The following SCARB2 variants were observed in gnomAD, a reference collection of about 807,000 sequenced individuals.
SCARB2 encodes the protein lysosome membrane protein 2.
Under a neutral mutation model 58.6 loss-of-function variants are expected in SCARB2, and 29 were observed. The observed-to-expected ratio is 0.49, with a 90% CI of 0.37 to 0.67. The LOEUF (loss-of-function observed/expected upper bound fraction) is 0.67. SCARB2 is among the 30% of genes least tolerant of loss of function. The probability of loss-of-function intolerance (pLI) is 0.00; values close to 1 mark genes in which losing one functional copy is unlikely to be tolerated. For missense variants in SCARB2, 488 were observed against 578.5 expected (o/e 0.84, Z 1.60); for synonymous variants, 195 against 210.1 (o/e 0.93, Z 0.62).
chr4:76,203,455 T>C (rs1222345148), intron 1 of SCARB2, among the ~76,000 whole-genome samples: 6 of 152,258 alleles, frequency 3.9e-5, no homozygotes, highest in African/African-American at 1.4e-4. Context: ...TCAGAAATCT[T>C]TGCTTCCTCA....
intron 7 of SCARB2, among the ~76,000 whole-genome samples, chr4:76,170,945 AAT>A (rs35595759): frequency 0.45 from 61,249 of 136,244 alleles, 15,224 homozygotes; most frequent in Non-Finnish European, 0.59. Flanking sequence ...TGTAAATTTA[AAT>A]ATATATATAT....
chr4:76,223,085 G>A (rs1315229404), intron 1 of SCARB2, among the ~76,000 whole-genome samples: 3 of 152,314 alleles, frequency 2.0e-5, no homozygotes, highest in Middle Eastern at 6.8e-3. Context: ...AAGGCTTTGT[G>A]GGGGCTGGTA....
At chr4:76,198,110 A>T (rs1218641988) in intron 1 of SCARB2, among the ~76,000 whole-genome samples, 2 of 152,140 alleles carry the variant, frequency 1.3e-5, no homozygotes, top group Non-Finnish European at 2.9e-5. Context: ...ACTCCACCGC[A>T]CTTCTCTTCC....
At chr4:76,199,036 C>T (rs13434713) in intron 1 of SCARB2, among the ~76,000 whole-genome samples, 1,895 of 152,294 alleles carry the variant, frequency 0.012, 32 homozygotes, top group African/African-American at 0.041. Context: ...ATTACTGCCA[C>T]GCCAGCTGCA....
intron 1 of SCARB2, among the ~76,000 whole-genome samples, chr4:76,224,967 AATGCATCCTCATAGCTTAGCATCTTAT>A (rs567878896): frequency 6.4e-4 from 98 of 152,196 alleles, no homozygotes; most frequent in African/African-American, 2.2e-3. Flanking sequence ...AGAATGATAT[AATGCATCCTCATAGCTTAGCATCTTAT>A]ATGCATCCTC....
At chr4:76,200,698 G>A (rs1732812098) in intron 1 of SCARB2, among the ~76,000 whole-genome samples, 1 of 152,184 alleles carries the variant, frequency 6.6e-6, no homozygotes, top group Non-Finnish European at 1.5e-5. Flanking sequence ...GATCCTTCCA[G>A]TAGCATGGAT....
chr4:76,230,348 G>A (rs1248580260), intron 1 of SCARB2, among the ~76,000 whole-genome samples: 2 of 152,098 alleles, frequency 1.3e-5, no homozygotes, highest in East Asian at 3.9e-4. Flanking sequence ...TGGTGAGGCT[G>A]GTCTTGCTCG....
chr4:76,227,827 G>T (rs1733424595), intron 1 of SCARB2, among the ~76,000 whole-genome samples: 1 of 152,084 alleles, frequency 6.6e-6, no homozygotes, highest in African/African-American at 2.4e-5. Flanking sequence ...AGTCTGTTTT[G>T]TCTGATATAA....
chr4:76,227,302 G>C (rs1379600127), intron 1 of SCARB2, among the ~76,000 whole-genome samples: 1 of 152,116 alleles, frequency 6.6e-6, no homozygotes, highest in Non-Finnish European at 1.5e-5. Flanking sequence ...AATGTCCAAA[G>C]ATCATTCAGG....
intron 7 of SCARB2, 89 bp downstream of exon 7, chr4:76,174,055 G>T: frequency 6.6e-7 from 1 of 1,503,972 alleles, no homozygotes. Context: ...GTAGGTGTGC[G>T]CCACTACGCC....
At chr4:76,179,174 C>G (rs995189319) in intron 4 of SCARB2, 4 of 310,716 alleles carry the variant, frequency 1.3e-5, no homozygotes, top group Non-Finnish European at 2.5e-5. Flanking sequence ...CTGCCTCAGT[C>G]TCCTGAGTAG....
At chr4:76,180,332 T>G (rs989891771) in intron 3 of SCARB2, 1 of 152,456 alleles carries the variant, frequency 6.6e-6, no homozygotes, top group African/African-American at 2.4e-5. Context: ...CACTCCAGCC[T>G]GGGCGACAGA....
At chr4:76,186,497 C>T (rs1163081053) in intron 2 of SCARB2, among the ~76,000 whole-genome samples, 1 of 152,010 alleles carries the variant, frequency 6.6e-6, no homozygotes, top group Non-Finnish European at 1.5e-5. Flanking sequence ...GGAGCCTCTA[C>T]CCTTAACTTT....
chr4:76,202,854 T>C (rs1007718637), intron 1 of SCARB2, among the ~76,000 whole-genome samples: 19 of 152,236 alleles, frequency 1.2e-4, no homozygotes, highest in Non-Finnish European at 2.5e-4. Flanking sequence ...AATGTCTGTA[T>C]ACTAATCCAC....
At chr4:76,178,638 A>G (rs116623840) in intron 4 of SCARB2, among the ~76,000 whole-genome samples, 139 of 152,272 alleles carry the variant, frequency 9.1e-4, no homozygotes, top group African/African-American at 3.1e-3. Flanking sequence ...GTGAAGCTGT[A>G]TTCCTCTGAG....
intron 1 of SCARB2, among the ~76,000 whole-genome samples, chr4:76,204,428 A>C (rs1357244342): frequency 6.6e-6 from 1 of 152,228 alleles, no homozygotes; most frequent in African/African-American, 2.4e-5. Flanking sequence ...CTCATGGGTG[A>C]ACTGTACTTT....
chr4:76,220,833 T>C lies in SCARB2; in HGVS notation c.-358+13470A>G, dbSNP rs577354632. On this transcript the variant is annotated intron_variant, in intron 1 of 11. Transcript: ENST00000638295. Reference sequence around the variant, plus strand: ...TAACCAGTCATAGGTACATTTTCTGTTACATAAGAAGCAAGATTGTACAAG... The same window carrying C: ...TAACCAGTCATAGGTACATTTTCTGCTACATAAGAAGCAAGATTGTACAAG... Among the ~76,000 whole-genome samples, 6 of 152,302 alleles carry C rather than the reference T, an allele frequency of 3.9e-5. No individual in the cohort carries two copies. In the South Asian group the frequency reaches 1.2e-3, roughly 32 times the overall value.
chr4:76,227,164 T>C (rs1318575855), intron 1 of SCARB2, among the ~76,000 whole-genome samples: 1 of 152,228 alleles, frequency 6.6e-6, no homozygotes, highest in African/African-American at 2.4e-5. Flanking sequence ...AGTCAAAAGT[T>C]TGATGAACTT....
chr4:76,171,675 T>A (rs576329810), intron 7 of SCARB2, among the ~76,000 whole-genome samples: 6 of 152,200 alleles, frequency 3.9e-5, no homozygotes, highest in Admixed American at 3.9e-4. Context: ...AGAAAATATA[T>A]CTACATTTTT....
Sources: allele counts gnomAD v4.1 joint callset (sites outside exome capture counted in the v4.1 genomes callset), GRCh38; gene constraint gnomAD v4.1.1; transcripts MANE v1.5; gene names NCBI Gene and HGNC (gene_info 2026-07-23, HGNC 2026-07-21).